The following COL22A1 variants were observed in gnomAD, a reference collection of about 807,000 sequenced individuals.
COL22A1 encodes collagen type XXII alpha 1 chain, also known as collagen alpha-1(XXII) chain.
Under a neutral mutation model 248.9 loss-of-function variants are expected in COL22A1, and 221 were observed. The observed-to-expected ratio is 0.89, with a 90% CI of 0.80 to 0.99. The LOEUF is 0.99. Among genes scored for constraint, COL22A1 ranks in the 50% least tolerant of loss-of-function variants. The probability of loss-of-function intolerance (pLI) is 0.00; values close to 1 mark genes in which losing one functional copy is unlikely to be tolerated. For missense variants in COL22A1, 2,240 were observed against 2,179.0 expected (o/e 1.03, Z -0.56); for synonymous variants, 891 against 793.4 (o/e 1.12, Z -2.07).
intron 16 of COL22A1, among the ~76,000 whole-genome samples, chr8:138,762,746 G>C (rs1260690611): frequency 8.1e-6 from 1 of 123,790 alleles, no homozygotes; most frequent in African/African-American, 2.6e-5. Flanking sequence ...GAGCCACACA[G>C]TCTCTTCATC....
At chr8:138,685,035 G>T (rs62527919) in intron 38 of COL22A1, among the ~76,000 whole-genome samples, 173 bp downstream of exon 38, 719 of 152,302 alleles carry the variant, frequency 4.7e-3, no homozygotes, top group Admixed American at 7.5e-3. Context: ...CTGGCATGTG[G>T]CCAGCAGTCC....
At chr8:138,726,498 C>CAAA (rs371982028) in intron 23 of COL22A1, among the ~76,000 whole-genome samples, 4,711 of 95,504 alleles carry the variant, frequency 0.049, 263 homozygotes, top group East Asian at 0.27. Flanking sequence ...CCTGTATCTA[C>CAAA]AAAAAAAAAA....
chr8:138,654,611 A>C (rs1823057235), intron 45 of COL22A1, among the ~76,000 whole-genome samples: 1 of 152,140 alleles, frequency 6.6e-6, no homozygotes, highest in Non-Finnish European at 1.5e-5. Context: ...AGAGGCTTGA[A>C]GTACAGACAG....
chr8:138,780,046 G>A (rs1355802836), intron 13 of COL22A1, among the ~76,000 whole-genome samples: 5 of 152,196 alleles, frequency 3.3e-5, no homozygotes, highest in Admixed American at 6.5e-5. Flanking sequence ...ATAGTTGTGA[G>A]CCACCATGCC....
At chr8:138,820,175 T>G (rs7015119) in intron 7 of COL22A1, among the ~76,000 whole-genome samples, 14,913 of 152,226 alleles carry the variant, frequency 0.098, 1,047 homozygotes, top group African/African-American at 0.19. Context: ...TTACATAAAC[T>G]TCCAAGAATC....
chr8:138,638,563 C>G (rs1214637115), intron 47 of COL22A1, among the ~76,000 whole-genome samples: 1 of 152,088 alleles, frequency 6.6e-6, no homozygotes, highest in Non-Finnish European at 1.5e-5. Flanking sequence ...CCCCCTCTCT[C>G]TCTGTGATAT....
intron 44 of COL22A1, among the ~76,000 whole-genome samples, chr8:138,660,054 G>A (rs1171764575): frequency 6.6e-6 from 1 of 152,156 alleles, no homozygotes; most frequent in Admixed American, 6.5e-5. Context: ...AATGTCTCCC[G>A]GGCTGGCTTG....
At chr8:138,749,074 T>C (rs1033680736) in intron 22 of COL22A1, among the ~76,000 whole-genome samples, 4 of 152,170 alleles carry the variant, frequency 2.6e-5, no homozygotes, top group African/African-American at 4.8e-5. Flanking sequence ...CCTGCTGCCA[T>C]GTAAGGCATG....
chr8:138,755,568 C>A, intron 19 of COL22A1, 57 bp from the exon 20 acceptor site: 1 of 1,578,518 alleles, frequency 6.3e-7, no homozygotes, highest in Non-Finnish European at 8.7e-7. Flanking sequence ...CCACAGTCAA[C>A]CTCTCTCAGC....
At chr8:138,760,346 G>A in intron 17 of COL22A1, 59 bp from the exon 18 acceptor site, 1 of 1,500,932 alleles carries the variant, frequency 6.7e-7, no homozygotes, top group Non-Finnish European at 9.0e-7. Context: ...GTGGTGGGGT[G>A]TTGGGGAGAA....
At position 138,759,856 on chromosome 8, in the gene COL22A1, G is replaced by C. The variant is rs560065780; in HGVS notation, c.1902+387C>G. ...TGTAGTAGAGAAGGAGAAAAGAAGA[G>C]GAAGAGAAAAGGAAAAAGTTTTTGT... On this transcript the variant is annotated intron_variant, in intron 18 of 64. Transcript: ENST00000303045. Among the ~76,000 whole-genome samples the C allele has an allele frequency of 9.2e-5, 14 of 152,188 alleles. 1 individual carries two copies. The South Asian group carries it at 2.7e-3, about 29-fold the overall frequency.
intron 46 of COL22A1, among the ~76,000 whole-genome samples, chr8:138,647,435 ATAAC>A (rs1284197721): frequency 3.9e-5 from 6 of 152,260 alleles, no homozygotes; most frequent in African/African-American, 1.4e-4. Context: ...GTAGTGATAG[ATAAC>A]TAATACAGTT....
chr8:138,692,473 G>A (rs1827165906), intron 35 of COL22A1, among the ~76,000 whole-genome samples: 1 of 57,448 alleles, frequency 1.7e-5, no homozygotes, highest in African/African-American at 5.5e-5. Context: ...ATGTGTGTGT[G>A]TGTGTGTGTG....
At chr8:138,902,739 T>TATATATACAC (rs763466994) in intron 1 of COL22A1, among the ~76,000 whole-genome samples, 3,800 of 93,820 alleles carry the variant, frequency 0.041, 110 homozygotes, top group African/African-American at 0.077. Flanking sequence ...TATATATATA[T>TATATATACAC]ACACACACAC....
At chr8:138,741,647 T>C (rs1831567088) in intron 22 of COL22A1, among the ~76,000 whole-genome samples, 1 of 152,126 alleles carries the variant, frequency 6.6e-6, no homozygotes, top group Admixed American at 6.5e-5. Context: ...GAAGAAGAAA[T>C]AGTAAGAGTC....
intron 16 of COL22A1, among the ~76,000 whole-genome samples, chr8:138,763,294 C>T (rs554416461): frequency 5.3e-5 from 8 of 151,758 alleles, no homozygotes; most frequent in East Asian, 1.9e-4. Context: ...GGCTGAGGCA[C>T]GAGAATGGCT....
At chr8:138,720,906 G>T in intron 26 of COL22A1, 114 bp from the exon 27 acceptor site, 1 of 843,614 alleles carries the variant, frequency 1.2e-6, no homozygotes, top group Non-Finnish European at 2.1e-6. Flanking sequence ...GGGTGGTTTT[G>T]AACTGCTTCA....
chr8:138,724,850 C>T (rs531264744), intron 24 of COL22A1, among the ~76,000 whole-genome samples, 182 bp from the exon 25 acceptor site: 18 of 152,340 alleles, frequency 1.2e-4, no homozygotes, highest in South Asian at 4.1e-4. Context: ...TTGACACGTC[C>T]GTGGCTTGTG....
In COL22A1 at chr8:138,638,126, T is replaced by G. The variant is rs1235873513; in HGVS notation, c.3502-1331A>C. Among the ~76,000 whole-genome samples the G allele has an allele frequency of 2.6e-5, 4 of 152,294 alleles. No individual in the cohort carries two copies. In the East Asian group the frequency reaches 7.7e-4, roughly 29 times the overall value. On this transcript the variant is annotated intron_variant, in intron 47 of 64. Coordinates refer to ENST00000303045, the MANE Select transcript of COL22A1 (RefSeq NM_152888.3). Reference sequence around the variant, plus strand: ...AAAATATACAACCTACCAAAAATACTTTTCACAGACCACCCAAGAAAGTAA... The same window carrying G: ...AAAATATACAACCTACCAAAAATACGTTTCACAGACCACCCAAGAAAGTAA...
Sources: allele counts gnomAD v4.1 joint callset (sites outside exome capture counted in the v4.1 genomes callset), GRCh38; gene constraint gnomAD v4.1.1; transcripts MANE v1.5; gene names NCBI Gene and HGNC (gene_info 2026-07-23, HGNC 2026-07-21).